Variants in ST3GAL3 observed in about 807,000 individuals in gnomAD.
ST3GAL3 encodes ST3 beta-galactoside alpha-2,3-sialyltransferase 3.
Under a neutral mutation model 50.1 loss-of-function variants are expected in ST3GAL3, and 21 were observed. The observed-to-expected ratio is 0.42, with a 90% CI of 0.30 to 0.60. The LOEUF (loss-of-function observed/expected upper bound fraction) is 0.60. Ranked by LOEUF, ST3GAL3 falls within the 20% of genes least tolerant of loss-of-function variation. The pLI is 0.19. For synonymous variants in ST3GAL3, 183 were observed against 190.0 expected, an observed-to-expected ratio of 0.96 and a Z score of 0.30; for missense variants, 353 against 489.4, an observed-to-expected ratio of 0.72 and a Z score of 2.63.
chr1:43,834,989 C>T (rs866219198), intron 4 of ST3GAL3, among the ~76,000 whole-genome samples: 6 of 152,172 alleles, frequency 3.9e-5, no homozygotes, highest in East Asian at 1.9e-4. Flanking sequence ...AGAGTGGAAG[C>T]GTCTGGTTCC....
chr1:43,712,319 C>G (rs1182102735), intron 1 of ST3GAL3, among the ~76,000 whole-genome samples: 1 of 152,202 alleles, frequency 6.6e-6, no homozygotes, highest in Non-Finnish European at 1.5e-5. Context: ...GATTTCCCCA[C>G]CTTTTTTCTC....
At chr1:43,779,402 A>G (rs964542147) in intron 2 of ST3GAL3, among the ~76,000 whole-genome samples, 8 of 152,206 alleles carry the variant, frequency 5.3e-5, no homozygotes, top group Admixed American at 3.3e-4. Flanking sequence ...GAAGTTATAC[A>G]TGTGCATAGT....
chr1:43,917,621 ATT>A (rs1491460006), intron 9 of ST3GAL3, among the ~76,000 whole-genome samples: 1 of 73,634 alleles, frequency 1.4e-5, no homozygotes, highest in Non-Finnish European at 2.4e-5. Flanking sequence ...TATATATTAT[ATT>A]ATATATAATA....
At chr1:43,721,209 C>T (rs1477356806) in intron 1 of ST3GAL3, among the ~76,000 whole-genome samples, 1 of 149,870 alleles carries the variant, frequency 6.7e-6, no homozygotes, top group Non-Finnish European at 1.5e-5. Context: ...CGTACCACTG[C>T]ACTCTAGCCT....
Position 43,848,068 on chromosome 1 carries a change from C to T in ST3GAL3, c.302+9757C>T, listed in dbSNP as rs373218222. On this transcript the variant is annotated intron_variant, in intron 5 of 11. Coordinates refer to ENST00000347631, the MANE Select transcript of ST3GAL3 (RefSeq NM_006279.5). ...TTTAAAAATGTTTTGGCTAGGTATA[C>T]ACTTCTAGGTTGACAGTACCCTGTT... Among the ~76,000 whole-genome samples, 5 of 152,236 alleles carry T rather than the reference C, an allele frequency of 3.3e-5. No individual in the cohort carries two copies. In the East Asian group the frequency reaches 7.7e-4, roughly 23 times the overall value.
chr1:43,844,483 G>C (rs992058934), intron 5 of ST3GAL3, among the ~76,000 whole-genome samples: 4 of 152,194 alleles, frequency 2.6e-5, no homozygotes, highest in Admixed American at 2.0e-4. Flanking sequence ...AAGGTCTTAA[G>C]AGCTCTGGGT....
chr1:43,741,900 T>C lies in ST3GAL3; in HGVS notation c.118+5520T>C, dbSNP rs192464264. On this transcript the variant is annotated intron_variant, in intron 2 of 11. Coordinates refer to ENST00000347631, the MANE Select transcript of ST3GAL3 (RefSeq NM_006279.5). ...GTGGAGTCTAAACAGGCTGTGATGA[T>C]TTCCCCTGAGCTGAAGAGGCAGAGG... 2.6e-5 allele frequency among the ~76,000 whole-genome samples: 4 copies of C among 152,306 alleles called. No individual in the cohort carries two copies. In the East Asian group the frequency reaches 7.7e-4, roughly 29 times the overall value.
intron 1 of ST3GAL3, among the ~76,000 whole-genome samples, chr1:43,722,668 G>A (rs934910564): frequency 2.0e-5 from 3 of 152,166 alleles, no homozygotes; most frequent in African/African-American, 4.8e-5. Flanking sequence ...AAAATTTGTA[G>A]GACTTGATTG....
At chr1:43,770,582 A>G (rs1694765992) in intron 2 of ST3GAL3, among the ~76,000 whole-genome samples, 1 of 151,830 alleles carries the variant, frequency 6.6e-6, no homozygotes, top group Non-Finnish European at 1.5e-5. Context: ...TTTTTTTGAG[A>G]TGGAGTCTCA....
chr1:43,897,057 G>T (rs573936359), intron 6 of ST3GAL3, among the ~76,000 whole-genome samples: 1 of 138,330 alleles, frequency 7.2e-6, no homozygotes, highest in African/African-American at 2.7e-5. Flanking sequence ...TTTAATGGCT[G>T]TATAGGATTT....
chr1:43,867,593 T>A (rs1213739406), intron 5 of ST3GAL3, among the ~76,000 whole-genome samples: 1 of 125,476 alleles, frequency 8.0e-6, no homozygotes. Flanking sequence ...GAAGGTGTGT[T>A]AACTGGGTCC....
intron 5 of ST3GAL3, among the ~76,000 whole-genome samples, chr1:43,846,499 C>CA: frequency 6.6e-6 from 1 of 152,158 alleles, no homozygotes; most frequent in Non-Finnish European, 1.5e-5. Context: ...GGGGTTTTTG[C>CA]AATTACTTTT....
chr1:43,877,188 G>A (rs1191954498), intron 5 of ST3GAL3, among the ~76,000 whole-genome samples: 2 of 152,220 alleles, frequency 1.3e-5, no homozygotes, highest in Non-Finnish European at 2.9e-5. Flanking sequence ...CCCCTGGACT[G>A]AAGAAGGCAG....
At chr1:43,769,546 A>G (rs1237780789) in intron 2 of ST3GAL3, among the ~76,000 whole-genome samples, 1 of 152,132 alleles carries the variant, frequency 6.6e-6, no homozygotes, top group Non-Finnish European at 1.5e-5. Flanking sequence ...TTTTCAACAC[A>G]TATTGACTAA....
At chr1:43,842,062 A>T (rs767088186) in intron 5 of ST3GAL3, 1 of 152,242 alleles carries the variant, frequency 6.6e-6, no homozygotes, top group South Asian at 2.1e-4. Context: ...TTGCTAAGGC[A>T]TAACATGTTA....
rs1571807875 is a variant in ST3GAL3 at position 43,737,113 on chromosome 1, A to AT, written c.118+734dup. ...TGTTTTCTTGGCTGTAGCTTGAAAT[A>AT]TCACACAGTGACCATAGTGGTTTTC... On this transcript the variant is annotated intron_variant, in intron 2 of 11. Coordinates refer to ENST00000347631, the MANE Select transcript of ST3GAL3 (RefSeq NM_006279.5). This position sits in a 1 kb window ranked among gnomAD's most constrained non-coding sequence, Gnocchi z 4.0. 1 of 132,716 alleles carries AT rather than the reference A, an allele frequency of 7.5e-6. No individual in the cohort carries two copies. Among genetic ancestry groups the AT allele is most frequent in the Non-Finnish European group, 1.6e-5 (1 of 62,378 alleles). 8.2% of individuals were successfully genotyped at this position (132,716 alleles called of 1,614,324 possible).
chr1:43,915,415 T>C (rs1571378300), intron 9 of ST3GAL3, among the ~76,000 whole-genome samples: 1 of 152,316 alleles, frequency 6.6e-6, no homozygotes, highest in East Asian at 1.9e-4. Context: ...ACGCGTGATG[T>C]CCCTGGTTTA....
chr1:43,778,964 CAG>C (rs1443291732), intron 2 of ST3GAL3, among the ~76,000 whole-genome samples: 7 of 132,778 alleles, frequency 5.3e-5, no homozygotes, highest in African/African-American at 2.0e-4. Context: ...TTTTTTCAGA[CAG>C]AGTTTTGCTC....
intron 5 of ST3GAL3, 97 bp downstream of exon 5, chr1:43,838,408 C>A: frequency 8.8e-7 from 1 of 1,133,166 alleles, no homozygotes; most frequent in Non-Finnish European, 1.3e-6. Context: ...TTCTCCTATG[C>A]TCTGGAAACC....
Sources: allele counts gnomAD v4.1 joint callset (sites outside exome capture counted in the v4.1 genomes callset), GRCh38; gene constraint gnomAD v4.1.1; non-coding constraint Gnocchi (gnomAD v3.1); transcripts MANE v1.5; gene names NCBI Gene and HGNC (gene_info 2026-07-23, HGNC 2026-07-21).